MED27: variants seen among roughly 807,000 people sequenced by gnomAD.
MED27 encodes the protein mediator complex subunit 27.
A neutral mutation model predicts 38.2 loss-of-function variants in MED27; 30 were observed. The observed-to-expected ratio is 0.79, with a 90% CI of 0.59 to 1.07. MED27 has a LOEUF of 1.07. Ranked by LOEUF, MED27 falls within the 50% of genes least tolerant of loss-of-function variation. The pLI is 0.00. For missense variants in MED27, 289 were observed against 397.5 expected, an observed-to-expected ratio of 0.73 and a Z score of 2.32; for synonymous variants, 122 against 153.5, an observed-to-expected ratio of 0.79 and a Z score of 1.52.
At chr9:132,063,150 G>A (rs1017290505) in intron 2 of MED27, among the ~76,000 whole-genome samples, 3 of 152,178 alleles carry the variant, frequency 2.0e-5, no homozygotes, top group Non-Finnish European at 4.4e-5. Context: ...TCACTAGGAA[G>A]TGCCTTCCAG....
chr9:132,026,742 T>A (rs74459960), intron 2 of MED27, among the ~76,000 whole-genome samples: 6 of 152,032 alleles, frequency 3.9e-5, no homozygotes, highest in Non-Finnish European at 8.8e-5. Context: ...CACAGCTACA[T>A]CCCCAGTGTC....
At chr9:131,885,381 G>C (rs757211755) in intron 5 of MED27, among the ~76,000 whole-genome samples, 2 of 152,240 alleles carry the variant, frequency 1.3e-5, no homozygotes, top group Non-Finnish European at 2.9e-5. Flanking sequence ...TTTGTTTTTT[G>C]ATATACAGAT....
chr9:132,075,879 G>A (rs528569466), intron 2 of MED27, among the ~76,000 whole-genome samples: 7 of 152,238 alleles, frequency 4.6e-5, no homozygotes, highest in African/African-American at 1.4e-4. Context: ...CAACTGCCCT[G>A]CATCCATCCC....
chr9:132,037,358 A>C (rs972105890), intron 2 of MED27, among the ~76,000 whole-genome samples: 5 of 152,224 alleles, frequency 3.3e-5, no homozygotes, highest in African/African-American at 1.2e-4. Context: ...ATGGACAGTA[A>C]TAGTCGCATA....
At chr9:132,071,200 G>A (rs1444098314) in intron 2 of MED27, among the ~76,000 whole-genome samples, 1 of 152,196 alleles carries the variant, frequency 6.6e-6, no homozygotes, top group Non-Finnish European at 1.5e-5. Context: ...AGCACAGAGA[G>A]GTTAGCCTCA....
chr9:131,860,729 C>T lies in MED27; in HGVS notation c.802-57G>A. ...AATGGGATACGGGTGCTCCCAAAGTCCTCCTTCCTATCAAGCCTAATGGCC... is the reference window on the plus strand; with the variant it reads ...AATGGGATACGGGTGCTCCCAAAGTTCTCCTTCCTATCAAGCCTAATGGCC... On this transcript the variant is annotated intron_variant, in intron 7 of 7. Transcript: ENST00000292035. This position sits in a 1 kb window ranked among gnomAD's most constrained non-coding sequence, Gnocchi z 5.8. 6.3e-7 allele frequency: 1 copy of T among 1,587,474 alleles called. No homozygotes were observed. Among genetic ancestry groups the T allele is most frequent in the African/African-American group, 1.3e-5 (1 of 74,352 alleles).
At chr9:132,052,366 C>G (rs1564341448) in intron 2 of MED27, among the ~76,000 whole-genome samples, 1 of 152,110 alleles carries the variant, frequency 6.6e-6, no homozygotes. Flanking sequence ...ATTAGTTATA[C>G]AATATATAGG....
chr9:131,944,358 C>G (rs573587106), intron 3 of MED27, among the ~76,000 whole-genome samples: 1 of 152,152 alleles, frequency 6.6e-6, no homozygotes, highest in Non-Finnish European at 1.5e-5. Flanking sequence ...CATTGCCTGA[C>G]GTCTGATTGT....
chr9:131,949,228 G>A (rs763589857), intron 3 of MED27, among the ~76,000 whole-genome samples: 2 of 152,178 alleles, frequency 1.3e-5, no homozygotes, highest in Non-Finnish European at 2.9e-5. Context: ...TAAGTACTAA[G>A]GATAGAAAAC....
chr9:131,951,835 C>T (rs1234070104), intron 3 of MED27, among the ~76,000 whole-genome samples: 3 of 152,238 alleles, frequency 2.0e-5, no homozygotes, highest in East Asian at 1.9e-4. Flanking sequence ...GAAAACACCT[C>T]GAAGCATGAG....
rs533882501 is a variant in MED27 at position 132,029,805 on chromosome 9, A to G, written c.349-15338T>C. On this transcript the variant is annotated intron_variant, in intron 2 of 7. Coordinates refer to ENST00000292035, the MANE Select transcript of MED27 (RefSeq NM_004269.4). ...AAGGCAGGGGAAATGATGTTTTAATAAAGTCTGAAATAGGCCTGTGAGCTG... is the reference window on the plus strand; with the variant it reads ...AAGGCAGGGGAAATGATGTTTTAATGAAGTCTGAAATAGGCCTGTGAGCTG... Among the ~76,000 whole-genome samples the G allele has an allele frequency of 2.0e-5, 3 of 152,126 alleles. No individual in the cohort carries two copies. The South Asian group carries it at 6.3e-4, about 32-fold the overall frequency.
rs555704200 is a variant in MED27, at chr9:131,970,451, G to A, written c.480-30977C>T. 2.0e-4 allele frequency among the ~76,000 whole-genome samples: 30 copies of A among 152,266 alleles called. No individual in the cohort carries two copies. The South Asian group carries it at 5.8e-3, about 29-fold the overall frequency. Reference sequence around the variant, plus strand: ...CTCTCCACGGAAGAGCCCTCCACGGGGCCAACACAGAAACACTACACCCAG... The same window carrying A: ...CTCTCCACGGAAGAGCCCTCCACGGAGCCAACACAGAAACACTACACCCAG... On this transcript the variant is annotated intron_variant, in intron 3 of 7. Transcript: ENST00000292035.
chr9:131,903,558 C>T (rs947987935), intron 4 of MED27, among the ~76,000 whole-genome samples: 1 of 152,154 alleles, frequency 6.6e-6, no homozygotes, highest in African/African-American at 2.4e-5. Flanking sequence ...ATGTACAGAG[C>T]AGAGTGGCCC....
chr9:131,900,792 A>G (rs1829929534), intron 4 of MED27, among the ~76,000 whole-genome samples: 1 of 151,992 alleles, frequency 6.6e-6, no homozygotes, highest in Admixed American at 6.6e-5. Context: ...AAAGAAGCCA[A>G]CTATTTATGT....
intron 4 of MED27, among the ~76,000 whole-genome samples, chr9:131,915,369 AGATG>A (rs1361653977): frequency 6.6e-6 from 1 of 152,248 alleles, no homozygotes; most frequent in Admixed American, 6.5e-5. Flanking sequence ...AACTGGACAT[AGATG>A]GATGCGCAGT....
At position 132,033,432 on chromosome 9, in the gene MED27, A is replaced by T. The variant is rs558095223; in HGVS notation, c.349-18965T>A. ...ATTTTTGGATCTACAATCATTTGAC[A>T]TTTTTTTCTAAGAAAATTTAAATTT... On this transcript the variant is annotated intron_variant, in intron 2 of 7. Coordinates refer to ENST00000292035, the MANE Select transcript of MED27 (RefSeq NM_004269.4). Among the ~76,000 whole-genome samples the T allele has an allele frequency of 1.1e-4, 17 of 152,230 alleles. No individual in the cohort carries two copies. In the South Asian group the frequency reaches 3.3e-3, roughly 30 times the overall value.
intron 3 of MED27, among the ~76,000 whole-genome samples, chr9:131,961,800 T>C (rs1486451931): frequency 1.3e-5 from 2 of 152,216 alleles, no homozygotes; most frequent in African/African-American, 2.4e-5. Context: ...AGCCTTCTTC[T>C]GCTCTCTCTC....
At chr9:131,869,240 G>A in intron 6 of MED27, 1 of 985,404 alleles carries the variant, frequency 1.0e-6, no homozygotes, top group Non-Finnish European at 1.2e-6. Flanking sequence ...GAATTCCTCT[G>A]GGTGGCTGTG....
At position 132,022,559 on chromosome 9, in the gene MED27, C is replaced by T. The variant is rs1191043071; in HGVS notation, c.349-8092G>A. Among the ~76,000 whole-genome samples, 4 of 152,152 alleles carry T rather than the reference C, an allele frequency of 2.6e-5. No homozygotes were observed. The East Asian group carries it at 5.8e-4, about 22-fold the overall frequency. On this transcript the variant is annotated intron_variant, in intron 2 of 7. Coordinates refer to ENST00000292035, the MANE Select transcript of MED27 (RefSeq NM_004269.4). ...CTTGACTTCCTAGTACAAAAATCAA[C>T]ATCAGTGAAATTTAAATATGGAATG...
Sources: gnomAD v4.1 joint callset for allele counts (sites outside exome capture counted in the v4.1 genomes callset) on GRCh38, gnomAD v4.1.1 for gene constraint, Gnocchi (gnomAD v3.1) non-coding constraint, MANE v1.5 for transcripts, NCBI Gene and HGNC (gene_info 2026-07-23, HGNC 2026-07-21) for gene names.